CCDC85C: variants seen among roughly 807,000 people sequenced by gnomAD.
CCDC85C encodes coiled-coil domain-containing protein 85C.
Under a neutral mutation model 38.3 loss-of-function variants are expected in CCDC85C, and 18 were observed. The observed-to-expected ratio is 0.47, with a 90% CI of 0.33 to 0.70. The LOEUF (loss-of-function observed/expected upper bound fraction) is 0.70. Among genes scored for constraint, CCDC85C ranks in the 30% least tolerant of loss-of-function variants. CCDC85C has a pLI of 0.03. For missense variants in CCDC85C, 566 were observed against 621.2 expected (o/e 0.91, Z 0.94); for synonymous variants, 264 against 293.8 (o/e 0.90, Z 1.04).
At position 99,516,798 on chromosome 14, in the gene CCDC85C, A is replaced by C. The variant is rs56085816; in HGVS notation, c.1071+290T>G. Among the ~76,000 whole-genome samples the C allele has an allele frequency of 0.39, 59,516 of 151,632 alleles. 11,978 individuals are homozygous for C. The highest frequency in any genetic ancestry group is 0.54 in the East Asian group (2,769 of 5,144). ...CAGACCTGAGGTTAGTTCTAGCCCC[A>C]CTCCTGCCCCTCTCTCTCTGGCCTT... On this transcript the variant is annotated intron_variant, in intron 4 of 5. Coordinates refer to ENST00000380243, the MANE Select transcript of CCDC85C (RefSeq NM_001144995.2). This position sits in a 1 kb window ranked among gnomAD's most constrained non-coding sequence, Gnocchi z 5.5.
At position 99,506,953 on chromosome 14, in the gene CCDC85C, A is replaced by T. The variant is rs1315532989; in HGVS notation, c.*8293T>A. 5 of 749,892 alleles carry T rather than the reference A, an allele frequency of 6.7e-6. No homozygotes were observed. Among genetic ancestry groups the T allele is most frequent in the Non-Finnish European group, 7.4e-6 (3 of 407,152 alleles). The allele number at this position is 749,892 out of a possible 1,614,324, so 46.5% of individuals were successfully genotyped here. A position where few individuals can be genotyped will look rare whatever the true frequency, so the allele number is the denominator to read the frequency against. ...GCTGAAACCTTCTTCAAGTTCCCTT[A>T]AAGCCTTGGTCATCTCTGTTGTTTT... is the stretch of plus-strand genomic sequence containing the variant. On this transcript the variant is annotated 3_prime_UTR_variant, in exon 6 of 6. Transcript: ENST00000380243.
intron 2 of CCDC85C, among the ~76,000 whole-genome samples, chr14:99,531,112 A>G (rs1391749259): frequency 6.6e-6 from 1 of 152,084 alleles, no homozygotes. Context: ...GCCCTTTGGT[A>G]CGTGGCAGGC....
At chr14:99,581,430 A>G (rs1387645427) in intron 1 of CCDC85C, among the ~76,000 whole-genome samples, 1 of 152,236 alleles carries the variant, frequency 6.6e-6, no homozygotes, top group Non-Finnish European at 1.5e-5. Flanking sequence ...GTAGGAGGAC[A>G]GCGTATGAAG....
At chr14:99,563,608 A>G (rs1898159572) in intron 1 of CCDC85C, among the ~76,000 whole-genome samples, 1 of 152,244 alleles carries the variant, frequency 6.6e-6, no homozygotes, top group South Asian at 2.1e-4. Context: ...AGGAAATGGG[A>G]GGGTGAGAGA....
Position 99,548,652 on chromosome 14 carries a change from G to A in CCDC85C, c.794-12564C>T, listed in dbSNP as rs143041861. 1.3e-5 allele frequency among the ~76,000 whole-genome samples: 2 copies of A among 152,064 alleles called. No individual in the cohort carries two copies. Among genetic ancestry groups the A allele is most frequent in the Non-Finnish European group, 2.9e-5 (2 of 68,008 alleles). The stretch of plus-strand genomic sequence containing the variant: ...TAACCCAACAATGAAATACTGTAGC[G>A]AGATAAAAATGAACAAACAAGAGCC... On this transcript the variant is annotated intron_variant, in intron 1 of 5. Coordinates refer to ENST00000380243, the MANE Select transcript of CCDC85C (RefSeq NM_001144995.2). This position sits in a 1 kb window ranked among gnomAD's most constrained non-coding sequence, Gnocchi z 4.9.
rs1022564473 is a variant in CCDC85C, at chr14:99,515,109, G to A, written c.*137C>T. On this transcript the variant is annotated 3_prime_UTR_variant, in exon 6 of 6. Transcript: ENST00000380243. ...TCGGACCCATGGCAGCTGGGCCAGG[G>A]CGGGCAGCGTCCTATGTACAGTTCA... is the stretch of plus-strand genomic sequence containing the variant. 3.2e-6 allele frequency: 2 copies of A among 630,558 alleles called. No homozygotes were observed. The highest frequency in any genetic ancestry group is 3.7e-5 in the African/African-American group (2 of 54,336). 39.1% of individuals were successfully genotyped at this position (630,558 alleles called of 1,614,324 possible). A position where few individuals can be genotyped will look rare whatever the true frequency, so the allele number is the denominator to read the frequency against.
intron 1 of CCDC85C, among the ~76,000 whole-genome samples, chr14:99,549,608 A>G (rs1407687351): frequency 6.6e-6 from 1 of 152,240 alleles, no homozygotes; most frequent in South Asian, 2.1e-4. Context: ...AGAGGGCAGG[A>G]CAGGAACGCA....
At chr14:99,536,682 C>A (rs780223756) in intron 1 of CCDC85C, among the ~76,000 whole-genome samples, 10 of 152,338 alleles carry the variant, frequency 6.6e-5, no homozygotes, top group Non-Finnish European at 1.2e-4. Flanking sequence ...CAGCCACCTT[C>A]CCCATATGAC....
chr14:99,527,919 G>C lies in CCDC85C; in HGVS notation c.868-5679C>G, dbSNP rs1897418176. Among the ~76,000 whole-genome samples the C allele has an allele frequency of 2.0e-5, 3 of 152,338 alleles. No individual in the cohort carries two copies. In the South Asian group the frequency reaches 6.2e-4, roughly 32 times the overall value. On this transcript the variant is annotated intron_variant, in intron 2 of 5. Transcript: ENST00000380243. ...GGGAGGACCCCGGGCACCTGGGCAAGGTGCGTGAGAAGGGGCTCACACCAC... is the reference window on the plus strand; with the variant it reads ...GGGAGGACCCCGGGCACCTGGGCAACGTGCGTGAGAAGGGGCTCACACCAC...
chr14:99,602,949 G>A (rs1328798998), intron 1 of CCDC85C, among the ~76,000 whole-genome samples: 1 of 152,162 alleles, frequency 6.6e-6, no homozygotes. Context: ...GTTCTGAGCT[G>A]GACAAAAAGA....
chr14:99,570,848 G>C (rs564288628), intron 1 of CCDC85C, among the ~76,000 whole-genome samples: 1 of 118,600 alleles, frequency 8.4e-6, no homozygotes, highest in Admixed American at 8.9e-5. Flanking sequence ...GAGCCGCCCC[G>C]CTGGGTGGGC....
At position 99,524,099 on chromosome 14, in the gene CCDC85C, C is replaced by T. The variant is rs538173370; in HGVS notation, c.868-1859G>A. On this transcript the variant is annotated intron_variant, in intron 2 of 5. Coordinates refer to ENST00000380243, the MANE Select transcript of CCDC85C (RefSeq NM_001144995.2). ...ATGTACCCCTAGCTCCACTTAAGGG[C>T]GAAAATTCCAAACCACCTGATTTTC... Among the ~76,000 whole-genome samples the T allele has an allele frequency of 4.0e-5, 6 of 150,306 alleles. No individual in the cohort carries two copies. In the East Asian group the frequency reaches 6.0e-4, roughly 15 times the overall value.
At chr14:99,519,590 CA>C (rs1329533013) in intron 3 of CCDC85C, among the ~76,000 whole-genome samples, 1 of 152,176 alleles carries the variant, frequency 6.6e-6, no homozygotes, top group Non-Finnish European at 1.5e-5. Context: ...TAGACATCCA[CA>C]AAATACCTGT....
Position 99,535,194 on chromosome 14 carries a change from T to C in CCDC85C, c.867+821A>G, listed in dbSNP as rs1345994810. 1 of 169,314 alleles carries C rather than the reference T, an allele frequency of 5.9e-6. No homozygotes were observed. The highest frequency in any genetic ancestry group is 2.4e-5 in the African/African-American group (1 of 41,646). The allele number at this position is 169,314 out of a possible 1,614,324, so 10.5% of individuals were successfully genotyped here. On this transcript the variant is annotated intron_variant, in intron 2 of 5. Transcript: ENST00000380243. This position sits in a 1 kb window ranked among gnomAD's most constrained non-coding sequence, Gnocchi z 5.5. ...CCAGGCAGCTGAGCCATCCCTGCGG[T>C]TGGTTCCCAGAGAGACGCCTTGGGT...
rs79083536 is a variant in CCDC85C at position 99,545,004 on chromosome 14, C to T, written c.794-8916G>A. 0.046 allele frequency among the ~76,000 whole-genome samples: 7,074 copies of T among 152,244 alleles called. 202 individuals carry two copies. The highest frequency in any genetic ancestry group is 0.073 in the African/African-American group (3,042 of 41,524). On this transcript the variant is annotated intron_variant, in intron 1 of 5. Transcript: ENST00000380243. This position sits in a 1 kb window ranked among gnomAD's most constrained non-coding sequence, Gnocchi z 4.7. ...CCACAGCCGGATTAGAAATCAAACA[C>T]GCCGAGGACACCCTTCCCAGTGCCT...
intron 1 of CCDC85C, among the ~76,000 whole-genome samples, chr14:99,547,863 C>T (rs1045469885): frequency 6.6e-6 from 1 of 151,354 alleles, no homozygotes; most frequent in African/African-American, 2.4e-5. Context: ...TATATATATA[C>T]ACACACATAT....
At position 99,511,033 on chromosome 14, in the gene CCDC85C, A is replaced by G. The variant is rs1306731743; in HGVS notation, c.*4213T>C. The G allele has an allele frequency of 8.8e-6, 3 of 342,038 alleles. No individual in the cohort carries two copies. The highest frequency in any genetic ancestry group is 4.4e-5 in the East Asian group (1 of 22,642). The allele number at this position is 342,038 out of a possible 1,614,324, so 21.2% of individuals were successfully genotyped here. ...GTACACTTGGTTCAGCTAATGTCTG[A>G]GAGTCCTGCACTGGGTTACTTTATA... On this transcript the variant is annotated 3_prime_UTR_variant, in exon 6 of 6. Transcript: ENST00000380243.
rs930530732 is a variant in CCDC85C at position 99,533,677 on chromosome 14, C to A, written c.867+2338G>T. Reference sequence around the variant, plus strand: ...ATGTGAACAGAGCCCTGCTGCTACCCCCAGGGAGCTGGTGGGAGCAGGCCT... The same window carrying A: ...ATGTGAACAGAGCCCTGCTGCTACCACCAGGGAGCTGGTGGGAGCAGGCCT... On this transcript the variant is annotated intron_variant, in intron 2 of 5. Transcript: ENST00000380243. The surrounding 1 kb of genome is among the most constrained non-coding windows in gnomAD (Gnocchi z 4.2). Among the ~76,000 whole-genome samples, 4 of 152,220 alleles carry A rather than the reference C, an allele frequency of 2.6e-5. No individual in the cohort carries two copies. Among genetic ancestry groups the A allele is most frequent in the Non-Finnish European group, 5.9e-5 (4 of 68,036 alleles).
At position 99,501,070 on chromosome 14, in the gene CCDC85C, G is replaced by A; in HGVS notation, c.*14176C>T. The A allele has an allele frequency of 1.7e-6, 1 of 602,010 alleles. No individual in the cohort carries two copies. 37.3% of individuals were successfully genotyped at this position (602,010 alleles called of 1,614,324 possible). A position where few individuals can be genotyped will look rare whatever the true frequency, so the allele number is the denominator to read the frequency against. On this transcript the variant is annotated 3_prime_UTR_variant, in exon 6 of 6. Transcript: ENST00000380243. ...ATGTATAAACAGGCTCTGTCATCCA[G>A]TTGCCAAGTGATGGGAGAGGCAGGA...
Sources: gnomAD v4.1 joint callset for allele counts (sites outside exome capture counted in the v4.1 genomes callset) on GRCh38, gnomAD v4.1.1 for gene constraint, Gnocchi (gnomAD v3.1) non-coding constraint, MANE v1.5 for transcripts, NCBI Gene and HGNC (gene_info 2026-07-23, HGNC 2026-07-21) for gene names.